Variants in KDM4A observed in about 807,000 individuals in gnomAD.
KDM4A encodes lysine-specific demethylase 4A.
A neutral mutation model predicts 127.1 loss-of-function variants in KDM4A; 23 were observed. The ratio of observed to expected loss-of-function variants is 0.18; its 90% CI spans 0.13 to 0.26. The LOEUF (loss-of-function observed/expected upper bound fraction) is 0.26, where lower values mean the gene tolerates loss of function less well. Among genes scored for constraint, KDM4A ranks in the 10% least tolerant of loss-of-function variants. The pLI is 1.00. For synonymous variants in KDM4A, 443 were observed against 466.5 expected (o/e 0.95, Z 0.65); for missense variants, 890 against 1,329.1 (o/e 0.67, Z 5.14).
intron 8 of KDM4A, 60 bp from the exon 9 acceptor site, chr1:43,667,712 G>A (rs1660530530): frequency 6.2e-7 from 1 of 1,606,316 alleles, no homozygotes; most frequent in Admixed American, 1.7e-5. Context: ...CTAGGACGTG[G>A]GGGTGAGTTG....
chr1:43,672,823 C>T (rs1282623526), intron 11 of KDM4A, among the ~76,000 whole-genome samples: 1 of 152,178 alleles, frequency 6.6e-6, no homozygotes, highest in East Asian at 1.9e-4. Flanking sequence ...GGAACTCTTC[C>T]TCTGATCCTC....
intron 19 of KDM4A, among the ~76,000 whole-genome samples, chr1:43,700,869 T>C (rs147258152): frequency 3.3e-5 from 5 of 152,304 alleles, no homozygotes; most frequent in Non-Finnish European, 5.9e-5. Flanking sequence ...TTAGAAAATA[T>C]TGGTGCACTG....
At position 43,669,246 on chromosome 1, in the gene KDM4A, T is replaced by C; in HGVS notation, c.1310T>C (p.Val437Ala). 1 of 1,614,186 alleles carries C rather than the reference T, an allele frequency of 6.2e-7. No individual in the cohort carries two copies. The highest frequency in any genetic ancestry group is 1.1e-5 in the South Asian group (1 of 91,086). Residue 437 changes from valine to alanine, a missense_variant, in exon 10 of 22, where the codon GTG (valine) becomes GCG (alanine). Physicochemically the swap from Val to Ala is moderately conservative, Grantham distance 64. This residue lies in a region of KDM4A where 389 missense variants were observed against 485.9 expected (regional missense o/e 0.80). Transcript: ENST00000372396. ...MTECPAALAP[V>A]RPTHSSVRQV... is the part of the protein sequence containing the mutation. The stretch of plus-strand genomic sequence containing the variant: ...GAGTGCCCGGCAGCCCTCGCCCCTG[T>C]GAGGCCCACCCATAGCTCTGTGCGG...
chr1:43,677,291 G>T (rs955660558), intron 11 of KDM4A, among the ~76,000 whole-genome samples: 1 of 149,416 alleles, frequency 6.7e-6, no homozygotes, highest in African/African-American at 2.5e-5. Context: ...GTTGCGCTGA[G>T]CTGGGATCTT....
At position 43,655,772 on chromosome 1, in the gene KDM4A, T is replaced by C; in HGVS notation, c.314+6T>C. The C allele has an allele frequency of 6.2e-7, 1 of 1,602,466 alleles. No homozygotes were observed. The highest frequency in any genetic ancestry group is 1.1e-5 in the South Asian group (1 of 89,626). ...AAGATAGCCAATAGCGATAAGTGAG[T>C]GGAAACCCTTTCTTACCTGACATAG... is the stretch of plus-strand genomic sequence containing the variant. On this transcript the variant is annotated splice_donor_region_variant and intron_variant, in intron 3 of 21. Transcript: ENST00000372396.
chr1:43,675,806 T>C (rs1660727876), intron 11 of KDM4A, among the ~76,000 whole-genome samples: 1 of 152,120 alleles, frequency 6.6e-6, no homozygotes, highest in Admixed American at 6.6e-5. Context: ...GGTGCCGTGG[T>C]GCATGCCTGT....
Position 43,704,072 on chromosome 1 carries a change from C to T in KDM4A, c.3014C>T (p.Thr1005Ile), listed in dbSNP as rs1661480081. 6.2e-7 allele frequency: 1 copy of T among 1,614,142 alleles called. No homozygotes were observed. Among genetic ancestry groups the T allele is most frequent in the Non-Finnish European group, 8.5e-7 (1 of 1,180,022 alleles). ...QLVVKRDDVYTLDEELPKRVK... is the reference protein window; with the variant it reads ...QLVVKRDDVYILDEELPKRVK... Reference sequence around the variant, plus strand: ...GTGGTTAAGAGAGATGATGTATACACACTGGATGAAGAGCTTCCCAAGAGA... The same window carrying T: ...GTGGTTAAGAGAGATGATGTATACATACTGGATGAAGAGCTTCCCAAGAGA... Residue 1005 changes from threonine (T) to isoleucine (I), a missense_variant, in exon 21 of 22, where the codon ACA (threonine) becomes ATA (isoleucine). Physicochemically the swap from Thr to Ile is moderately conservative, Grantham distance 89 (BLOSUM62 -1). Transcript: ENST00000372396.
Position 43,694,212 on chromosome 1 carries a change from CTG to C in KDM4A, c.2484+113_2484+114del, listed in dbSNP as rs1405160283. On this transcript the variant is annotated intron_variant, in intron 17 of 21. Coordinates refer to ENST00000372396, the MANE Select transcript of KDM4A (RefSeq NM_014663.3). The surrounding 1 kb of genome is among the most constrained non-coding windows in gnomAD (Gnocchi z 5.2). Reference sequence around the variant, plus strand: ...TTGGTTAGAGTTTGTGATTCTCACTCTGTGGTTAGATTCCTTAGTGGAGGCCA... The same window carrying C: ...TTGGTTAGAGTTTGTGATTCTCACTCTGGTTAGATTCCTTAGTGGAGGCCA... The C allele has an allele frequency of 1.2e-6, 1 of 841,134 alleles. No individual in the cohort carries two copies. Among genetic ancestry groups the C allele is most frequent in the Non-Finnish European group, 1.9e-6 (1 of 526,658 alleles). The allele number at this position is 841,134 out of a possible 1,614,324, so 52.1% of individuals were successfully genotyped here.
At chr1:43,660,545 G>A in intron 4 of KDM4A, 133 bp downstream of exon 4, 1 of 1,316,564 alleles carries the variant, frequency 7.6e-7, no homozygotes, top group African/African-American at 1.5e-5. Context: ...ACCCCCAGCT[G>A]ATGTTGCTGT....
At chr1:43,660,175 G>A in intron 3 of KDM4A, 123 bp from the exon 4 acceptor site, 1 of 1,097,904 alleles carries the variant, frequency 9.1e-7, no homozygotes, top group African/African-American at 1.6e-5. Flanking sequence ...TGAAGGCCAA[G>A]ATTATGCCTT....
chr1:43,674,068 A>G (rs1001261752), intron 11 of KDM4A, among the ~76,000 whole-genome samples: 4 of 152,088 alleles, frequency 2.6e-5, no homozygotes, highest in Admixed American at 6.5e-5. Context: ...TCAGCCTCCC[A>G]AGTAGCTGGG....
intron 19 of KDM4A, among the ~76,000 whole-genome samples, chr1:43,700,295 ATTTT>A (rs1557922692): frequency 6.6e-6 from 1 of 150,658 alleles, no homozygotes; most frequent in Non-Finnish European, 1.5e-5. Context: ...CGCCCAGCTA[ATTTT>A]TTAATTTTTT....
intron 12 of KDM4A, among the ~76,000 whole-genome samples, chr1:43,685,229 T>C (rs1660945413): frequency 6.6e-6 from 1 of 152,070 alleles, no homozygotes; most frequent in Non-Finnish European, 1.5e-5. Context: ...GCACTGAAGC[T>C]CAGGGTGTGT....
At chr1:43,683,940 A>G (rs929125481) in intron 12 of KDM4A, 136 bp downstream of exon 12, 1 of 955,550 alleles carries the variant, frequency 1.0e-6, no homozygotes, top group Non-Finnish European at 1.5e-6. Context: ...TTCCATAAAG[A>G]GAGGACCGGA....
intron 3 of KDM4A, among the ~76,000 whole-genome samples, chr1:43,658,954 A>G (rs1308199224): frequency 6.6e-6 from 1 of 151,606 alleles, no homozygotes; most frequent in Non-Finnish European, 1.5e-5. Flanking sequence ...TGAATCTAAA[A>G]GAAGTTTTTT....
At chr1:43,672,705 A>G (rs1167371739) in intron 11 of KDM4A, among the ~76,000 whole-genome samples, 1 of 151,972 alleles carries the variant, frequency 6.6e-6, no homozygotes, top group Non-Finnish European at 1.5e-5. Flanking sequence ...CGTGTTAGCC[A>G]GGATGGTCTC....
intron 13 of KDM4A, 23 bp downstream of exon 13, chr1:43,689,118 G>A: frequency 6.2e-7 from 1 of 1,609,220 alleles, no homozygotes. Flanking sequence ...CATGCACTCT[G>A]TTTACCCAGG....
intron 2 of KDM4A, among the ~76,000 whole-genome samples, chr1:43,653,962 C>G (rs770882288): frequency 1.3e-5 from 2 of 152,008 alleles, no homozygotes; most frequent in Non-Finnish European, 2.9e-5. Context: ...TTTTTTACAC[C>G]ATTTTATGTT....
intron 11 of KDM4A, among the ~76,000 whole-genome samples, chr1:43,677,802 C>T (rs1660776270): frequency 6.6e-6 from 1 of 152,250 alleles, no homozygotes; most frequent in East Asian, 1.9e-4. Context: ...ATTTATGCAT[C>T]ATTTGAATAT....
Sources: gnomAD v4.1 joint callset for allele counts (sites outside exome capture counted in the v4.1 genomes callset) on GRCh38, gnomAD v4.1.1 for gene constraint, gnomAD v4.1.1 regional missense constraint, Gnocchi (gnomAD v3.1) non-coding constraint, MANE v1.5 for transcripts, NCBI Gene and HGNC (gene_info 2026-07-23, HGNC 2026-07-21) for gene names.